Variants in RTN1 observed in about 807,000 individuals in gnomAD.
RTN1 encodes the protein reticulon 1.
Under a neutral mutation model 65.5 loss-of-function variants are expected in RTN1, and 25 were observed. The ratio of observed to expected loss-of-function variants is 0.38; its 90% confidence interval spans 0.28 to 0.53. The LOEUF is 0.53. Among genes scored for constraint, RTN1 ranks in the 20% least tolerant of loss-of-function variants. The pLI, the probability that RTN1 is intolerant of heterozygous loss-of-function variation, is 0.79. For missense variants in RTN1, 983 were observed against 1,025.4 expected, an observed-to-expected ratio of 0.96 and a Z score of 0.57; for synonymous variants, 471 against 447.6, an observed-to-expected ratio of 1.05 and a Z score of -0.66.
intron 1 of RTN1, among the ~76,000 whole-genome samples, chr14:59,770,777 G>A (rs936989000): frequency 2.2e-4 from 33 of 151,944 alleles, no homozygotes; most frequent in African/African-American, 5.8e-4. Flanking sequence ...TCTGTTGGCC[G>A]GGCGCAATGG....
At chr14:59,781,614 T>A (rs556657303) in intron 1 of RTN1, among the ~76,000 whole-genome samples, 1 of 152,270 alleles carries the variant, frequency 6.6e-6, no homozygotes, top group African/African-American at 2.4e-5. Context: ...TTCTGGCCAA[T>A]ACTTTTTCCT....
chr14:59,683,524 A>C (rs1333093975), intron 3 of RTN1, among the ~76,000 whole-genome samples: 1 of 152,002 alleles, frequency 6.6e-6, no homozygotes, highest in Non-Finnish European at 1.5e-5. Context: ...CTTGCCTAAG[A>C]TCCATTCACT....
chr14:59,755,818 TA>T (rs1329925112), intron 1 of RTN1, among the ~76,000 whole-genome samples: 1 of 152,152 alleles, frequency 6.6e-6, no homozygotes, highest in African/African-American at 2.4e-5. Flanking sequence ...GAGTTAAAAA[TA>T]AAAAGAGCCT....
intron 3 of RTN1, among the ~76,000 whole-genome samples, chr14:59,684,555 G>C (rs1226279780): frequency 6.6e-6 from 1 of 151,908 alleles, no homozygotes; most frequent in African/African-American, 2.4e-5. Context: ...ACAGAAAAAA[G>C]CTGTAGGCAT....
intron 3 of RTN1, among the ~76,000 whole-genome samples, chr14:59,697,435 A>G (rs1884085828): frequency 6.6e-6 from 1 of 152,180 alleles, no homozygotes; most frequent in Non-Finnish European, 1.5e-5. Flanking sequence ...ACAGAATTGA[A>G]TTTAAATCTA....
chr14:59,858,574 C>A (rs975113584), intron 1 of RTN1, among the ~76,000 whole-genome samples: 1 of 151,326 alleles, frequency 6.6e-6, no homozygotes, highest in Non-Finnish European at 1.5e-5. Context: ...ACTCAGAAAG[C>A]AAGAATTTGG....
At chr14:59,861,455 G>C (rs943994396) in intron 1 of RTN1, among the ~76,000 whole-genome samples, 1 of 152,162 alleles carries the variant, frequency 6.6e-6, no homozygotes, top group Non-Finnish European at 1.5e-5. Context: ...TTAATCAGCA[G>C]TGTGAAAATG....
intron 1 of RTN1, among the ~76,000 whole-genome samples, chr14:59,824,632 G>A (rs1594757084): frequency 6.6e-6 from 1 of 152,338 alleles, no homozygotes; most frequent in South Asian, 2.1e-4. Context: ...GAAGAAAAAT[G>A]TGGTGACAGC....
At chr14:59,817,814 A>G (rs576255389) in intron 1 of RTN1, among the ~76,000 whole-genome samples, 1 of 152,366 alleles carries the variant, frequency 6.6e-6, no homozygotes, top group African/African-American at 2.4e-5. Flanking sequence ...CTAGTTAAAT[A>G]GATATAAACC....
At chr14:59,597,211 T>C (rs1449909938) in intron 8 of RTN1, among the ~76,000 whole-genome samples, 2 of 152,212 alleles carry the variant, frequency 1.3e-5, no homozygotes, top group Admixed American at 1.3e-4. Context: ...TCTGTTCCTA[T>C]GTTGGACATA....
At chr14:59,675,927 C>T (rs2140218325) in intron 3 of RTN1, among the ~76,000 whole-genome samples, 1 of 152,232 alleles carries the variant, frequency 6.6e-6, no homozygotes, top group East Asian at 1.9e-4. Context: ...ACCTTTAGTC[C>T]TACTCAACTT....
intron 1 of RTN1, among the ~76,000 whole-genome samples, chr14:59,818,859 T>C (rs898821521): frequency 6.6e-6 from 1 of 152,248 alleles, no homozygotes; most frequent in Admixed American, 6.5e-5. Context: ...ATAACCATTC[T>C]GACTAGTGTG....
At chr14:59,754,462 T>C (rs1245634760) in intron 1 of RTN1, among the ~76,000 whole-genome samples, 6 of 152,214 alleles carry the variant, frequency 3.9e-5, no homozygotes, top group Non-Finnish European at 8.8e-5. Flanking sequence ...GTTCATTCAA[T>C]TGGTGATCCA....
chr14:59,597,698 G>C (rs1420339890), intron 8 of RTN1, among the ~76,000 whole-genome samples: 1 of 152,196 alleles, frequency 6.6e-6, no homozygotes, highest in Non-Finnish European at 1.5e-5. Flanking sequence ...TGGTATGGCA[G>C]GCAGTGAGGG....
intron 1 of RTN1, among the ~76,000 whole-genome samples, chr14:59,856,131 C>G (rs750496685): frequency 1.2e-4 from 19 of 152,112 alleles, no homozygotes; most frequent in Non-Finnish European, 2.2e-4. Flanking sequence ...TCCACAGGTC[C>G]CATGATCTCT....
chr14:59,693,759 T>A (rs967913715), intron 3 of RTN1, among the ~76,000 whole-genome samples: 3 of 152,244 alleles, frequency 2.0e-5, no homozygotes, highest in Non-Finnish European at 4.4e-5. Context: ...CAATTCAATA[T>A]GAATGCTGCT....
chr14:59,751,191 C>CTTTTTTTTTTT (rs34021179), intron 1 of RTN1, among the ~76,000 whole-genome samples: 9 of 90,792 alleles, frequency 9.9e-5, no homozygotes, highest in African/African-American at 1.4e-4. Flanking sequence ...CTCATTATAC[C>CTTTTTTTTTTT]TTTTTTTTTT....
intron 1 of RTN1, among the ~76,000 whole-genome samples, chr14:59,749,926 T>A (rs1885403934): frequency 9.0e-6 from 1 of 111,354 alleles, no homozygotes; most frequent in Non-Finnish European, 1.7e-5. Context: ...CTCTTCCTCC[T>A]TGGTTCAAAT....
At chr14:59,626,322 C>A (rs1363492778) in intron 3 of RTN1, among the ~76,000 whole-genome samples, 1 of 152,100 alleles carries the variant, frequency 6.6e-6, no homozygotes, top group Non-Finnish European at 1.5e-5. Context: ...AAAAGATTGC[C>A]TTTAGGTTAT....
Sources: allele counts gnomAD v4.1 joint callset (sites outside exome capture counted in the v4.1 genomes callset), GRCh38; gene constraint gnomAD v4.1.1; transcripts MANE v1.5; gene names NCBI Gene and HGNC (gene_info 2026-07-23, HGNC 2026-07-21).